The following OPN5 variants were observed in gnomAD, a reference collection of about 807,000 sequenced individuals.
OPN5 encodes opsin-5.
Under a neutral mutation model 41.7 loss-of-function variants are expected in OPN5, and 18 were observed. The ratio of observed to expected loss-of-function variants is 0.43; its 90% CI spans 0.30 to 0.64. The LOEUF is 0.64. Among genes scored for constraint, OPN5 ranks in the 30% least tolerant of loss-of-function variants. The pLI is 0.13. For synonymous variants in OPN5, 178 were observed against 164.3 expected, an observed-to-expected ratio of 1.08 and a Z score of -0.64; for missense variants, 318 against 434.5, an observed-to-expected ratio of 0.73 and a Z score of 2.38.
At chr6:47,818,905 T>C (rs1377916899) in intron 6 of OPN5, among the ~76,000 whole-genome samples, 3 of 151,826 alleles carry the variant, frequency 2.0e-5, no homozygotes, top group Non-Finnish European at 4.4e-5. Flanking sequence ...GTGGAGGAAA[T>C]GTGAGTGTCT....
At chr6:47,825,282 T>A (rs1180017128), downstream of OPN5, 49 of 152,184 alleles carry the variant, frequency 3.2e-4, 1 homozygote, top group Admixed American at 3.2e-3. Context: ...GCAAGTACCT[T>A]TAATTGGGCA....
chr6:47,799,434 C>CT (rs1773687164), intron 4 of OPN5, among the ~76,000 whole-genome samples: 1 of 152,138 alleles, frequency 6.6e-6, no homozygotes, highest in African/African-American at 2.4e-5. Flanking sequence ...AATGCCAGTG[C>CT]TAATGGGTTG....
At chr6:47,791,298 TAAAA>T (rs75693501) in intron 2 of OPN5, among the ~76,000 whole-genome samples, 18 of 149,840 alleles carry the variant, frequency 1.2e-4, no homozygotes, top group South Asian at 2.1e-4. Context: ...CTATTTCTGG[TAAAA>T]AAAAAAAAAA....
intron 1 of OPN5, 78 bp from the exon 2 acceptor site, chr6:47,786,437 G>T: frequency 1.7e-6 from 2 of 1,171,650 alleles, no homozygotes; most frequent in South Asian, 1.4e-5. Flanking sequence ...GTCCATTTTT[G>T]AAGTTGAGAA....
chr6:47,786,121 T>C (rs1773182797), intron 1 of OPN5, among the ~76,000 whole-genome samples: 1 of 152,230 alleles, frequency 6.6e-6, no homozygotes, highest in Admixed American at 6.5e-5. Context: ...CTTCAGAATT[T>C]ATCAAGAGCT....
intron 2 of OPN5, 115 bp downstream of exon 2, chr6:47,786,749 C>G (rs941670870): frequency 2.3e-6 from 2 of 876,936 alleles, no homozygotes; most frequent in Non-Finnish European, 3.5e-6. Flanking sequence ...TCCTTCCACT[C>G]TTCGCTTCAC....
intron 5 of OPN5, among the ~76,000 whole-genome samples, chr6:47,808,620 G>T (rs186594120): frequency 2.0e-5 from 3 of 152,248 alleles, no homozygotes; most frequent in Admixed American, 2.0e-4. Context: ...TTTTTTGATC[G>T]TGGAGCAACT....
intron 5 of OPN5, among the ~76,000 whole-genome samples, chr6:47,811,471 T>G (rs968375807): frequency 1.3e-5 from 2 of 152,184 alleles, no homozygotes; most frequent in Admixed American, 6.5e-5. Context: ...GTGGCTTGTT[T>G]TTGGAAAACT....
At chr6:47,803,790 G>A (rs554485853) in intron 4 of OPN5, among the ~76,000 whole-genome samples, 2 of 152,146 alleles carry the variant, frequency 1.3e-5, no homozygotes, top group Non-Finnish European at 2.9e-5. Flanking sequence ...TGAAATAGTT[G>A]TTCCTAGAAA....
exon 5 of OPN5, chr6:47,808,333 A>G (rs1358877667): frequency 3.1e-6 from 5 of 1,613,864 alleles, no homozygotes; most frequent in Non-Finnish European, 4.2e-6. Flanking sequence ...TTGATTACAA[A>G]TTTGCCTGTT....
At chr6:47,817,162 T>C (rs932624819) in intron 6 of OPN5, among the ~76,000 whole-genome samples, 3 of 152,072 alleles carry the variant, frequency 2.0e-5, no homozygotes, top group African/African-American at 7.2e-5. Context: ...TTTACTCCAC[T>C]CCGGTGGGAG....
At chr6:47,813,320 A>G (rs1762320224) in intron 6 of OPN5, among the ~76,000 whole-genome samples, 3 of 152,216 alleles carry the variant, frequency 2.0e-5, no homozygotes. Context: ...CCCTTTGGCA[A>G]GTTTGAAACA....
At chr6:47,824,107 C>A in exon 7 of OPN5, 1 of 784,002 alleles carries the variant, frequency 1.3e-6, no homozygotes, top group South Asian at 1.5e-5. Context: ...TCCACTTACC[C>A]TGTCAGGAAA....
intron 6 of OPN5, among the ~76,000 whole-genome samples, chr6:47,820,916 C>T (rs374450307): frequency 1.3e-5 from 2 of 151,734 alleles, no homozygotes; most frequent in African/African-American, 2.4e-5. Context: ...CAGAAACAGT[C>T]GATAAACACA....
intron 4 of OPN5, among the ~76,000 whole-genome samples, chr6:47,806,186 C>CA (rs1239104726): frequency 6.6e-6 from 1 of 151,808 alleles, no homozygotes; most frequent in Non-Finnish European, 1.5e-5. Flanking sequence ...ACAACCCCCC[C>CA]AAAAAACAAA....
At chr6:47,816,687 G>A (rs1260249392) in intron 6 of OPN5, among the ~76,000 whole-genome samples, 9 of 151,934 alleles carry the variant, frequency 5.9e-5, no homozygotes, top group Non-Finnish European at 7.4e-5. Context: ...CTCAGGTGCC[G>A]TCATTTACCA....
chr6:47,801,923 A>G (rs566336695), intron 4 of OPN5, among the ~76,000 whole-genome samples: 88 of 152,288 alleles, frequency 5.8e-4, no homozygotes, highest in African/African-American at 2.0e-3. Flanking sequence ...AGAGCAATTT[A>G]ATCATGAAAA....
chr6:47,822,401 G>A (rs1233493009), intron 6 of OPN5, among the ~76,000 whole-genome samples: 3 of 152,074 alleles, frequency 2.0e-5, no homozygotes, highest in Admixed American at 2.0e-4. Context: ...TATGACTTAG[G>A]CTATTGACAT....
Position 47,811,740 on chromosome 6 carries a change from A to G in OPN5, c.1056+9A>G, listed in dbSNP as rs188319413. On this transcript the variant is annotated intron_variant, in intron 6 of 6. Transcript: ENST00000371211. Reference sequence around the variant, plus strand: ...TGGAAATTCATGAAGAGGTATGAAGATGGATACAGCATCACTATGGACACT... The same window carrying G: ...TGGAAATTCATGAAGAGGTATGAAGGTGGATACAGCATCACTATGGACACT... 1 of 1,597,672 alleles carries G rather than the reference A, an allele frequency of 6.3e-7. No homozygotes were observed.
Sources: allele counts gnomAD v4.1 joint callset (sites outside exome capture counted in the v4.1 genomes callset), GRCh38; gene constraint gnomAD v4.1.1; transcripts MANE v1.5; gene names NCBI Gene and HGNC (gene_info 2026-07-23, HGNC 2026-07-21).